The following FRAS1 variants were observed in gnomAD, a reference collection of about 807,000 sequenced individuals.
FRAS1 encodes Fraser extracellular matrix complex subunit 1.
A neutral mutation model predicts 435.2 loss-of-function variants in FRAS1; 290 were observed. The observed-to-expected ratio is 0.67, with a 90% CI of 0.61 to 0.73. FRAS1 has a LOEUF of 0.73. Ranked by LOEUF, FRAS1 falls within the 30% of genes least tolerant of loss-of-function variation. FRAS1 has a pLI of 0.00. For missense variants in FRAS1, 4,860 were observed against 5,001.5 expected (o/e 0.97, Z 0.85); for synonymous variants, 1,800 against 1,851.0 (o/e 0.97, Z 0.71).
chr4:78,341,781 A>G (rs574686715), intron 20 of FRAS1, among the ~76,000 whole-genome samples: 1 of 152,198 alleles, frequency 6.6e-6, no homozygotes, highest in South Asian at 2.1e-4. Flanking sequence ...GCAGTGAGGA[A>G]AACAGTGTGC....
At chr4:78,387,084 G>A (rs1357715416) in intron 28 of FRAS1, among the ~76,000 whole-genome samples, 1 of 152,106 alleles carries the variant, frequency 6.6e-6, no homozygotes, top group Non-Finnish European at 1.5e-5. Flanking sequence ...ATTTAAGTCA[G>A]GATAGCAGAG....
intron 7 of FRAS1, among the ~76,000 whole-genome samples, 187 bp downstream of exon 7, chr4:78,265,295 A>G (rs1726295889): frequency 1.3e-5 from 2 of 152,216 alleles, no homozygotes; most frequent in Admixed American, 1.3e-4. Flanking sequence ...GTTGAAGAGG[A>G]TTAGAAATAT....
intron 15 of FRAS1, among the ~76,000 whole-genome samples, chr4:78,310,496 A>C (rs1382901049): frequency 2.0e-5 from 3 of 152,230 alleles, no homozygotes; most frequent in African/African-American, 7.2e-5. Context: ...AGAAACTTCC[A>C]GGCAGGAGGA....
intron 2 of FRAS1, among the ~76,000 whole-genome samples, chr4:78,104,693 G>C (rs1416916630): frequency 2.6e-5 from 4 of 152,246 alleles, no homozygotes; most frequent in Non-Finnish European, 4.4e-5. Context: ...CCAGGTGTTG[G>C]TGGTATGGAA....
chr4:78,210,548 C>A (rs1723459944), intron 2 of FRAS1, among the ~76,000 whole-genome samples: 1 of 152,124 alleles, frequency 6.6e-6, no homozygotes, highest in South Asian at 2.1e-4. Context: ...TCTTGACTTC[C>A]ACAGAGTGTC....
intron 2 of FRAS1, among the ~76,000 whole-genome samples, chr4:78,172,226 C>A (rs964542357): frequency 2.0e-5 from 3 of 152,112 alleles, no homozygotes; most frequent in Non-Finnish European, 4.4e-5. Flanking sequence ...GATTTCATCT[C>A]CTGGCTTAGT....
intron 2 of FRAS1, among the ~76,000 whole-genome samples, chr4:78,082,009 T>C (rs542084127): frequency 2.6e-5 from 4 of 152,286 alleles, no homozygotes; most frequent in Admixed American, 6.5e-5. Flanking sequence ...TCAAATAGTT[T>C]GAAAACCATG....
intron 37 of FRAS1, 41 bp from the exon 38 acceptor site, chr4:78,432,316 C>A: frequency 1.3e-6 from 2 of 1,542,500 alleles, no homozygotes; most frequent in Non-Finnish European, 8.8e-7. Flanking sequence ...AAGCATTATT[C>A]CCAGAAGCAA....
intron 47 of FRAS1, among the ~76,000 whole-genome samples, chr4:78,455,154 C>T (rs1719149694): frequency 6.6e-6 from 1 of 152,004 alleles, no homozygotes. Flanking sequence ...ACGGACTTCC[C>T]TGCCCTCCTC....
chr4:78,422,521 G>A (rs139527597), intron 34 of FRAS1, among the ~76,000 whole-genome samples: 88 of 152,282 alleles, frequency 5.8e-4, no homozygotes, highest in Middle Eastern at 3.4e-3. Context: ...TATTTGGATG[G>A]TCAGGAAAAT....
chr4:78,431,770 G>A (rs1734230390), intron 37 of FRAS1, among the ~76,000 whole-genome samples: 1 of 151,916 alleles, frequency 6.6e-6, no homozygotes, highest in African/African-American at 2.4e-5. Flanking sequence ...TTCCACAAAG[G>A]TATGTGAACT....
At chr4:78,278,086 A>G (rs2110174085) in intron 9 of FRAS1, among the ~76,000 whole-genome samples, 2 of 152,340 alleles carry the variant, frequency 1.3e-5, no homozygotes, top group Non-Finnish European at 2.9e-5. Context: ...GGCGTGATCC[A>G]CCACGACTGG....
intron 40 of FRAS1, among the ~76,000 whole-genome samples, chr4:78,439,567 G>A (rs527759844): frequency 7.2e-5 from 11 of 152,246 alleles, no homozygotes; most frequent in South Asian, 4.2e-4. Context: ...ACCTTGGGCC[G>A]TACACTTAAT....
At chr4:78,425,765 A>G (rs1560720340) in intron 35 of FRAS1, among the ~76,000 whole-genome samples, 1 of 152,196 alleles carries the variant, frequency 6.6e-6, no homozygotes, top group Non-Finnish European at 1.5e-5. Context: ...AAATTGTACT[A>G]TTTAATTCTT....
chr4:78,540,669 C>A lies in FRAS1; in HGVS notation c.11584C>A (p.Leu3862Met), dbSNP rs983486892. The A allele has an allele frequency of 1.2e-6, 2 of 1,613,022 alleles. No homozygotes were observed. The highest frequency in any genetic ancestry group is 1.7e-6 in the Non-Finnish European group (2 of 1,179,394). Reference protein sequence around the residue: ...RRDLVEPDGQLILDDSLIYDN... With the variant: ...RRDLVEPDGQMILDDSLIYDN... ...GGACCTGGTAGAGCCCGATGGCCAG[C>A]TGATCCTTGATGATTCCCTCATCTA... Residue 3862 changes from leucine (L) to methionine (M), a missense_variant, in exon 74 of 74, where the codon CTG becomes ATG. Coordinates refer to ENST00000512123, the MANE Select transcript of FRAS1 (RefSeq NM_025074.7).
At chr4:78,385,462 T>C (rs1050531502) in intron 28 of FRAS1, among the ~76,000 whole-genome samples, 3 of 152,180 alleles carry the variant, frequency 2.0e-5, no homozygotes, top group Non-Finnish European at 2.9e-5. Context: ...AAAATGGTAT[T>C]AATAGCCCAG....
At chr4:78,225,191 C>T (rs748447009) in intron 2 of FRAS1, among the ~76,000 whole-genome samples, 15 of 152,074 alleles carry the variant, frequency 9.9e-5, no homozygotes, top group Non-Finnish European at 1.9e-4. Flanking sequence ...TGATATATCC[C>T]CCTGACATTC....
intron 2 of FRAS1, among the ~76,000 whole-genome samples, chr4:78,142,557 T>C (rs892300088): frequency 1.3e-4 from 20 of 152,216 alleles, no homozygotes; most frequent in African/African-American, 4.8e-4. Flanking sequence ...GTCTTTAAAA[T>C]AACTATGATT....
chr4:78,073,290 C>T lies in FRAS1; in HGVS notation c.108+7274C>T, dbSNP rs144361890. ...CTTTTATTGATGAATAATCCATATG[C>T]ATTTTTATTCTTATTCATATTTGTG... On this transcript the variant is annotated intron_variant, in intron 2 of 73. Coordinates refer to ENST00000512123, the MANE Select transcript of FRAS1 (RefSeq NM_025074.7). Among the ~76,000 whole-genome samples the T allele has an allele frequency of 1.3e-3, 193 of 152,204 alleles. 2 individuals are homozygous for T. The highest frequency in any genetic ancestry group is 4.5e-3 in the African/African-American group (186 of 41,540).
Sources: gnomAD v4.1 joint callset for allele counts (sites outside exome capture counted in the v4.1 genomes callset) on GRCh38, gnomAD v4.1.1 for gene constraint, MANE v1.5 for transcripts, NCBI Gene and HGNC (gene_info 2026-07-23, HGNC 2026-07-21) for gene names.